ZYG11B: variants seen among roughly 807,000 people sequenced by gnomAD.
ZYG11B encodes the protein zyg-11 family member B, cell cycle regulator.
ZYG11B carries 36 observed loss-of-function variants against 82.4 expected under a neutral mutation model. The ratio of observed to expected loss-of-function variants is 0.44; its 90% confidence interval spans 0.33 to 0.58. ZYG11B has a LOEUF of 0.58. ZYG11B is among the 20% of genes least tolerant of loss of function. The pLI is 0.02. For synonymous variants in ZYG11B, 303 were observed against 312.8 expected, an observed-to-expected ratio of 0.97 and a Z score of 0.33; for missense variants, 552 against 895.6, an observed-to-expected ratio of 0.62 and a Z score of 4.90.
chr1:52,780,671 G>T (rs1429365349), intron 4 of ZYG11B, among the ~76,000 whole-genome samples: 1 of 152,124 alleles, frequency 6.6e-6, no homozygotes, highest in Non-Finnish European at 1.5e-5. Context: ...AGGCAAGAGT[G>T]CAGTGGCTGT....
At chr1:52,755,558 A>G (rs1644568795) in intron 1 of ZYG11B, among the ~76,000 whole-genome samples, 1 of 151,760 alleles carries the variant, frequency 6.6e-6, no homozygotes, top group Admixed American at 6.6e-5. Flanking sequence ...CTAGAGTGCA[A>G]TGGCATAATC....
chr1:52,773,629 T>TATATATATA (rs1187455734), intron 3 of ZYG11B, among the ~76,000 whole-genome samples: 12 of 9,542 alleles, frequency 1.3e-3, no homozygotes, highest in African/African-American at 2.2e-3. Context: ...ATATATATAT[T>TATATATATA]TTTTTTTTTT....
At chr1:52,806,933 A>G (rs1464533724) in intron 10 of ZYG11B, among the ~76,000 whole-genome samples, 1 of 151,262 alleles carries the variant, frequency 6.6e-6, no homozygotes, top group African/African-American at 2.4e-5. Context: ...CAGTGGTGTG[A>G]TCTCAGCTCG....
At chr1:52,803,087 C>CATATATATATATATATATATATAT (rs1232248742) in intron 10 of ZYG11B, among the ~76,000 whole-genome samples, 2 of 22,544 alleles carry the variant, frequency 8.9e-5, no homozygotes, top group Admixed American at 1.4e-3. Flanking sequence ...TATATATACA[C>CATATATATATATATATATATATAT]ATATATATAT....
intron 2 of ZYG11B, among the ~76,000 whole-genome samples, chr1:52,769,873 T>C (rs1644731493): frequency 1.3e-5 from 2 of 152,118 alleles, no homozygotes; most frequent in Non-Finnish European, 2.9e-5. Flanking sequence ...CTACCTGTTT[T>C]TGGCATGATT....
At chr1:52,801,498 T>A (rs1364304303) in intron 8 of ZYG11B, among the ~76,000 whole-genome samples, 1 of 151,864 alleles carries the variant, frequency 6.6e-6, no homozygotes, top group Non-Finnish European at 1.5e-5. Flanking sequence ...TCTTTTCCTT[T>A]GCCTTTTTAA....
chr1:52,768,289 C>G (rs1414065794), intron 2 of ZYG11B, among the ~76,000 whole-genome samples: 2 of 152,030 alleles, frequency 1.3e-5, no homozygotes, highest in Non-Finnish European at 2.9e-5. Flanking sequence ...GATATATGAC[C>G]AGAAAAAAAC....
At chr1:52,784,815 T>C (rs1644899495) in intron 4 of ZYG11B, 62 bp from the exon 5 acceptor site, 2 of 1,521,356 alleles carry the variant, frequency 1.3e-6, no homozygotes, top group Non-Finnish European at 1.8e-6. Flanking sequence ...AAAATAATTC[T>C]GCTCTGTGAA....
At chr1:52,772,226 CAT>C in intron 3 of ZYG11B, 1 of 1,417,626 alleles carries the variant, frequency 7.1e-7, no homozygotes. Flanking sequence ...GTAGATGATT[CAT>C]ATTTCCAACT....
rs1469991919 is a variant in ZYG11B at position 52,826,063 on chromosome 1, A to G, written c.*4434A>G. 1 of 152,216 alleles carries G rather than the reference A, an allele frequency of 6.6e-6. No individual in the cohort carries two copies. The highest frequency in any genetic ancestry group is 1.5e-5 in the Non-Finnish European group (1 of 68,038). The allele number at this position is 152,216 out of a possible 1,614,324, so 9.4% of individuals were successfully genotyped here. ...GAAACCCATCCCTCTCCTGCCCTCTAATGGTATGTTTACATTATTTCGTTA... is the reference window on the plus strand; with the variant it reads ...GAAACCCATCCCTCTCCTGCCCTCTGATGGTATGTTTACATTATTTCGTTA... On this transcript the variant is annotated 3_prime_UTR_variant, in exon 14 of 14. Transcript: ENST00000294353.
intron 12 of ZYG11B, among the ~76,000 whole-genome samples, chr1:52,814,332 CT>C (rs1645206871): frequency 6.6e-6 from 1 of 152,174 alleles, no homozygotes; most frequent in South Asian, 2.1e-4. Context: ...AAAGTATTGG[CT>C]TTAAAAGAAG....
At chr1:52,759,099 T>C (rs1202047898) in intron 2 of ZYG11B, among the ~76,000 whole-genome samples, 1 of 152,046 alleles carries the variant, frequency 6.6e-6, no homozygotes, top group Non-Finnish European at 1.5e-5. Flanking sequence ...GCCCAGCTAA[T>C]TTTTGTATTT....
At chr1:52,781,646 A>G (rs12745439) in intron 4 of ZYG11B, among the ~76,000 whole-genome samples, 14,017 of 152,262 alleles carry the variant, frequency 0.092, 1,057 homozygotes, top group African/African-American at 0.2. Context: ...TTGAAAACCA[A>G]TGAGCTTAGG....
intron 6 of ZYG11B, among the ~76,000 whole-genome samples, chr1:52,793,398 G>A (rs1275316656): frequency 6.6e-6 from 1 of 152,034 alleles, no homozygotes; most frequent in Non-Finnish European, 1.5e-5. Context: ...CTACTTAGGA[G>A]GCTGAGGCAG....
intron 8 of ZYG11B, among the ~76,000 whole-genome samples, chr1:52,797,981 G>C (rs1645042038): frequency 6.6e-6 from 1 of 151,648 alleles, no homozygotes; most frequent in Admixed American, 6.6e-5. Flanking sequence ...AAAAAAATTG[G>C]ACATTGTGGC....
chr1:52,807,940 A>G (rs1645154102), intron 10 of ZYG11B, among the ~76,000 whole-genome samples: 1 of 152,206 alleles, frequency 6.6e-6, no homozygotes, highest in Non-Finnish European at 1.5e-5. Flanking sequence ...ATAATTCTAA[A>G]TTGACATTGC....
At chr1:52,729,294 G>T (rs78717069) in intron 1 of ZYG11B, among the ~76,000 whole-genome samples, 3,753 of 150,150 alleles carry the variant, frequency 0.025, 108 homozygotes, top group East Asian at 0.15. Context: ...TTGGGGGTTA[G>T]GATTCCAACA....
At chr1:52,791,723 A>G (rs1291373175) in intron 6 of ZYG11B, among the ~76,000 whole-genome samples, 1 of 152,194 alleles carries the variant, frequency 6.6e-6, no homozygotes, top group African/African-American at 2.4e-5. Context: ...GAGTACACTT[A>G]TCTGGCATGG....
chr1:52,748,584 T>C (rs900531633), intron 1 of ZYG11B, among the ~76,000 whole-genome samples: 1 of 152,172 alleles, frequency 6.6e-6, no homozygotes, highest in Non-Finnish European at 1.5e-5. Context: ...TGAGGCTGGC[T>C]GGGCATGGTG....
Sources: gnomAD v4.1 joint callset for allele counts (sites outside exome capture counted in the v4.1 genomes callset) on GRCh38, gnomAD v4.1.1 for gene constraint, MANE v1.5 for transcripts, NCBI Gene and HGNC (gene_info 2026-07-23, HGNC 2026-07-21) for gene names.